The following CNTNAP2 variants were observed in gnomAD, a reference collection of about 807,000 sequenced individuals.
The protein encoded by CNTNAP2 is contactin-associated protein-like 2.
A neutral mutation model predicts 155.2 loss-of-function variants in CNTNAP2; 98 were observed. The observed-to-expected ratio is 0.63, with a 90% confidence interval of 0.54 to 0.75. The LOEUF (loss-of-function observed/expected upper bound fraction) is 0.75, where lower values mean the gene tolerates loss of function less well. CNTNAP2 is among the 30% of genes least tolerant of loss of function. The pLI, the probability that CNTNAP2 is intolerant of heterozygous loss-of-function variation, is 0.00. For synonymous variants in CNTNAP2, 651 were observed against 631.2 expected, an observed-to-expected ratio of 1.03 and a Z score of -0.47; for missense variants, 1,727 against 1,688.1, an observed-to-expected ratio of 1.02 and a Z score of -0.40.
intron 14 of CNTNAP2, among the ~76,000 whole-genome samples, chr7:147,943,537 G>A (rs1800762578): frequency 6.6e-6 from 1 of 151,958 alleles, no homozygotes; most frequent in African/African-American, 2.4e-5. Context: ...GGGAAGCTGA[G>A]GTGGGCAGAT....
At chr7:146,263,795 G>T (rs537825879) in intron 1 of CNTNAP2, among the ~76,000 whole-genome samples, 1 of 152,266 alleles carries the variant, frequency 6.6e-6, no homozygotes, top group South Asian at 2.1e-4. Context: ...CAAGTATAAA[G>T]GGAAAATAGA....
At chr7:147,319,528 C>G (rs1185272496) in intron 9 of CNTNAP2, among the ~76,000 whole-genome samples, 2 of 152,076 alleles carry the variant, frequency 1.3e-5, no homozygotes, top group African/African-American at 4.8e-5. Context: ...TAGGCGTGCA[C>G]CACCATGCCC....
At chr7:146,192,838 G>C (rs1478489764) in intron 1 of CNTNAP2, among the ~76,000 whole-genome samples, 1 of 152,188 alleles carries the variant, frequency 6.6e-6, no homozygotes, top group African/African-American at 2.4e-5. Flanking sequence ...GAAAGGGCAA[G>C]TCCCTTCTGC....
At chr7:148,116,711 TG>T (rs532569336) in intron 15 of CNTNAP2, among the ~76,000 whole-genome samples, 2 of 152,220 alleles carry the variant, frequency 1.3e-5, no homozygotes, top group Non-Finnish European at 2.9e-5. Context: ...GACTTAAGCA[TG>T]GCAGAACCAA....
At chr7:147,064,251 A>G (rs1280004728) in intron 4 of CNTNAP2, among the ~76,000 whole-genome samples, 1 of 152,148 alleles carries the variant, frequency 6.6e-6, no homozygotes, top group East Asian at 1.9e-4. Flanking sequence ...AAGATTATTA[A>G]AACTCCAATG....
intron 13 of CNTNAP2, among the ~76,000 whole-genome samples, chr7:147,771,222 G>A (rs185120617): frequency 6.6e-6 from 1 of 152,278 alleles, no homozygotes; most frequent in African/African-American, 2.4e-5. Context: ...ACAGATTGAT[G>A]TGAAAAGTGA....
chr7:146,145,144 C>T (rs1382830841), intron 1 of CNTNAP2, among the ~76,000 whole-genome samples: 1 of 152,098 alleles, frequency 6.6e-6, no homozygotes, highest in African/African-American at 2.4e-5. Flanking sequence ...TTCTGAGATG[C>T]TTTAGGCCAT....
chr7:147,608,210 G>GA (rs35636899), intron 12 of CNTNAP2, among the ~76,000 whole-genome samples: 138 of 144,258 alleles, frequency 9.6e-4, no homozygotes, highest in Admixed American at 2.8e-3. Context: ...GTTCATCTCA[G>GA]AAAAAAAAAA....
chr7:147,830,805 G>T (rs1008245828), intron 13 of CNTNAP2, among the ~76,000 whole-genome samples: 1 of 152,168 alleles, frequency 6.6e-6, no homozygotes. Context: ...TGACTGCTAC[G>T]TTACTTTTTC....
At chr7:147,664,182 A>G (rs1334152412) in intron 13 of CNTNAP2, among the ~76,000 whole-genome samples, 1 of 152,196 alleles carries the variant, frequency 6.6e-6, no homozygotes, top group Non-Finnish European at 1.5e-5. Context: ...TCAGGATTCT[A>G]ATCCTGTTTT....
intron 8 of CNTNAP2, among the ~76,000 whole-genome samples, chr7:147,268,303 A>G (rs1231643276): frequency 6.6e-6 from 1 of 152,176 alleles, no homozygotes; most frequent in Admixed American, 6.5e-5. Flanking sequence ...CCAAATTTAT[A>G]TCTTGCTGCA....
intron 14 of CNTNAP2, among the ~76,000 whole-genome samples, chr7:147,955,055 A>G (rs1284808936): frequency 6.6e-6 from 1 of 152,236 alleles, no homozygotes; most frequent in Non-Finnish European, 1.5e-5. Context: ...TCCCACCACA[A>G]GTGAAACAGC....
intron 10 of CNTNAP2, among the ~76,000 whole-genome samples, chr7:147,415,536 A>T (rs1797177749): frequency 6.6e-6 from 1 of 152,176 alleles, no homozygotes; most frequent in South Asian, 2.1e-4. Context: ...TTCTGAAGAA[A>T]GTGCCTTGCT....
chr7:147,871,400 G>T (rs1585002653), intron 13 of CNTNAP2, among the ~76,000 whole-genome samples: 1 of 152,282 alleles, frequency 6.6e-6, no homozygotes, highest in East Asian at 1.9e-4. Flanking sequence ...TTTACAAAAT[G>T]CTTGTACATG....
intron 1 of CNTNAP2, among the ~76,000 whole-genome samples, chr7:146,691,735 C>T (rs1248457850): frequency 1.3e-5 from 2 of 152,018 alleles, no homozygotes; most frequent in Non-Finnish European, 2.9e-5. Flanking sequence ...ACTACCAACC[C>T]CGAAACTCTC....
At chr7:146,851,528 T>C (rs955382156) in intron 3 of CNTNAP2, among the ~76,000 whole-genome samples, 9 of 152,042 alleles carry the variant, frequency 5.9e-5, no homozygotes, top group African/African-American at 2.2e-4. Flanking sequence ...AAGTCCAATA[T>C]TGAGGGGTTG....
chr7:147,175,312 T>G (rs546404066), intron 8 of CNTNAP2, among the ~76,000 whole-genome samples: 2 of 152,060 alleles, frequency 1.3e-5, no homozygotes, highest in Admixed American at 1.3e-4. Context: ...TATTTTTCAT[T>G]TAAACCATTC....
intron 2 of CNTNAP2, among the ~76,000 whole-genome samples, chr7:146,806,141 C>T (rs1281924550): frequency 6.6e-6 from 1 of 152,108 alleles, no homozygotes; most frequent in Non-Finnish European, 1.5e-5. Context: ...ATAGTTGTTA[C>T]AGTAAGGTAA....
At chr7:148,113,402 T>G (rs1804398434) in intron 15 of CNTNAP2, among the ~76,000 whole-genome samples, 1 of 152,114 alleles carries the variant, frequency 6.6e-6, no homozygotes, top group African/African-American at 2.4e-5. Context: ...GCAATGGTGC[T>G]AAACTATTCA....
Sources: allele counts gnomAD v4.1 joint callset (sites outside exome capture counted in the v4.1 genomes callset), GRCh38; gene constraint gnomAD v4.1.1; transcripts MANE v1.5; gene names NCBI Gene and HGNC (gene_info 2026-07-23, HGNC 2026-07-21).